The following CCDC12 variants were observed in gnomAD, a reference collection of about 807,000 sequenced individuals.
CCDC12 encodes coiled-coil domain-containing protein 12.
Under a neutral mutation model 25.7 loss-of-function variants are expected in CCDC12, and 28 were observed. That is an observed-to-expected ratio of 1.09 (90% confidence interval 0.81 to 1.50). The LOEUF (loss-of-function observed/expected upper bound fraction) is 1.50, where lower values mean the gene tolerates loss of function less well. Among genes scored for constraint, CCDC12 ranks in the 40% most tolerant of loss-of-function variants. The pLI is 0.00. For missense variants in CCDC12, 198 were observed against 210.0 expected (o/e 0.94, Z 0.35); for synonymous variants, 75 against 87.7 (o/e 0.86, Z 0.81).
chr3:46,942,961 T>A, intron 1 of CCDC12, among the ~76,000 whole-genome samples: 1 of 150,298 alleles, frequency 6.7e-6, no homozygotes, highest in East Asian at 1.9e-4. Flanking sequence ...GTGACTGGGG[T>A]TGGGGGAGGG....
At chr3:46,960,311 ACT>A (rs1303940744) in intron 1 of CCDC12, among the ~76,000 whole-genome samples, 2 of 152,080 alleles carry the variant, frequency 1.3e-5, no homozygotes, top group East Asian at 3.9e-4. Flanking sequence ...CCCAGCATTC[ACT>A]CTCACTTCCT....
chr3:46,961,683 C>T (rs1023090251), intron 1 of CCDC12, among the ~76,000 whole-genome samples: 1 of 152,234 alleles, frequency 6.6e-6, no homozygotes, highest in African/African-American at 2.4e-5. Context: ...CAAGGAACTG[C>T]CTGTCCACTG....
chr3:46,963,392 TCCCTCTCCCTCTCCCTCTCCTCAC>T (rs1272201899), intron 1 of CCDC12, among the ~76,000 whole-genome samples: 1 of 2,238 alleles, frequency 4.5e-4, no homozygotes, highest in African/African-American at 5.9e-4. Flanking sequence ...ATTAGCCCTC[TCCCTCTCCCTCTCCCTCTCCTCAC>T]GGTCTCCCTC....
At chr3:46,948,453 G>A (rs988689641) in intron 1 of CCDC12, among the ~76,000 whole-genome samples, 1 of 152,256 alleles carries the variant, frequency 6.6e-6, no homozygotes, top group Non-Finnish European at 1.5e-5. Flanking sequence ...GCTGTGGGGA[G>A]ACAGGGAGGA....
chr3:46,938,316 T>C (rs2033539172), intron 2 of CCDC12, among the ~76,000 whole-genome samples: 1 of 152,168 alleles, frequency 6.6e-6, no homozygotes, highest in Non-Finnish European at 1.5e-5. Context: ...GGTCCTCACA[T>C]GGCAGGGCCT....
chr3:46,976,484 G>T (rs760594030), intron 1 of CCDC12, 153 bp downstream of exon 1: 170 of 1,435,588 alleles, frequency 1.2e-4, no homozygotes, highest in Non-Finnish European at 1.5e-4. Flanking sequence ...CAGACATCGT[G>T]GGAGGGCGCC....
At chr3:46,952,358 C>G (rs1304994777) in intron 1 of CCDC12, among the ~76,000 whole-genome samples, 1 of 152,194 alleles carries the variant, frequency 6.6e-6, no homozygotes, top group Non-Finnish European at 1.5e-5. Flanking sequence ...CTGTGCATGT[C>G]ATACCTAATA....
At position 46,963,595 on chromosome 3, in the gene CCDC12, G is replaced by A. The variant is rs940374086; in HGVS notation, c.96+13042C>T. ...CTCAGCCTGCCGAGTGCCTGCGATCGCAGGCGCGCGCCGCCACACCTGACT... is the reference window on the plus strand; with the variant it reads ...CTCAGCCTGCCGAGTGCCTGCGATCACAGGCGCGCGCCGCCACACCTGACT... On this transcript the variant is annotated intron_variant, in intron 1 of 6. Transcript: ENST00000683445. 5.3e-5 allele frequency among the ~76,000 whole-genome samples: 8 copies of A among 152,194 alleles called. No individual in the cohort carries two copies. The South Asian group carries it at 6.2e-4, about 12-fold the overall frequency.
chr3:46,958,732 T>G (rs1282956357), intron 1 of CCDC12, among the ~76,000 whole-genome samples: 1 of 152,042 alleles, frequency 6.6e-6, no homozygotes, highest in Non-Finnish European at 1.5e-5. Context: ...GGGATGTTTG[T>G]TAAGTGTTCT....
intron 1 of CCDC12, among the ~76,000 whole-genome samples, chr3:46,942,125 C>T (rs1162148350): frequency 6.6e-6 from 1 of 152,256 alleles, no homozygotes; most frequent in African/African-American, 2.4e-5. Context: ...TGCCATACTG[C>T]TTCCACCTGA....
intron 1 of CCDC12, among the ~76,000 whole-genome samples, chr3:46,973,996 C>T (rs1006977727): frequency 2.6e-5 from 4 of 152,150 alleles, no homozygotes; most frequent in Admixed American, 2.0e-4. Context: ...GTATACACAA[C>T]GGAATATTAT....
chr3:46,976,913 G>T (rs568746574), upstream of CCDC12: 2 of 811,918 alleles, frequency 2.5e-6, no homozygotes, highest in South Asian at 3.2e-5. Flanking sequence ...GCCCCGCCCC[G>T]CCCTTATTCT....
chr3:46,941,686 C>T (rs1460236828), intron 1 of CCDC12, among the ~76,000 whole-genome samples: 1 of 152,162 alleles, frequency 6.6e-6, no homozygotes, highest in Non-Finnish European at 1.5e-5. Context: ...AATGCAGCCA[C>T]TTGGTGCCAT....
intron 3 of CCDC12, 37 bp downstream of exon 3, chr3:46,925,419 G>A (rs760996625): frequency 6.4e-7 from 1 of 1,574,006 alleles, no homozygotes; most frequent in Non-Finnish European, 8.7e-7. Flanking sequence ...GGCTGACAGT[G>A]CCAGGAAGCA....
At chr3:46,934,733 C>A (rs1459951040) in intron 2 of CCDC12, among the ~76,000 whole-genome samples, 1 of 152,206 alleles carries the variant, frequency 6.6e-6, no homozygotes, top group African/African-American at 2.4e-5. Context: ...TCCCAAGAAA[C>A]AGGGTCAGGA....
upstream of CCDC12, chr3:46,976,924 T>C (rs1290578846): frequency 4.2e-4 from 346 of 820,130 alleles, 2 homozygotes; most frequent in African/African-American, 6.2e-3. Flanking sequence ...CCCTTATTCT[T>C]CCGGACAACT....
At chr3:46,945,716 T>C (rs1430642579) in intron 1 of CCDC12, among the ~76,000 whole-genome samples, 1 of 152,236 alleles carries the variant, frequency 6.6e-6, no homozygotes, top group Non-Finnish European at 1.5e-5. Context: ...CTATTTCTTC[T>C]CCAGCCAGTG....
At chr3:46,963,788 C>T (rs1340947108) in intron 1 of CCDC12, among the ~76,000 whole-genome samples, 7 of 152,224 alleles carry the variant, frequency 4.6e-5, no homozygotes, top group South Asian at 2.1e-4. Context: ...AGTGCAGTGG[C>T]GTGATCTCGG....
chr3:46,940,804 A>T (rs2033669952), intron 2 of CCDC12, 194 bp downstream of exon 2: 2 of 609,298 alleles, frequency 3.3e-6, no homozygotes, highest in South Asian at 4.3e-5. Context: ...AAATGAGGGA[A>T]AGGAGGCAGA....
Sources: allele counts gnomAD v4.1 joint callset (sites outside exome capture counted in the v4.1 genomes callset), GRCh38; gene constraint gnomAD v4.1.1; transcripts MANE v1.5; gene names NCBI Gene and HGNC (gene_info 2026-07-23, HGNC 2026-07-21).